SCUBE1: variants seen among roughly 807,000 people sequenced by gnomAD.
SCUBE1 encodes signal peptide, CUB domain and EGF like domain containing 1.
A neutral mutation model predicts 124.4 loss-of-function variants in SCUBE1; 59 were observed. The ratio of observed to expected loss-of-function variants is 0.47; its 90% CI spans 0.38 to 0.59. The LOEUF is 0.59. SCUBE1 is among the 20% of genes least tolerant of loss of function. The probability of loss-of-function intolerance (pLI) is 0.00; values close to 1 mark genes in which losing one functional copy is unlikely to be tolerated. For missense variants in SCUBE1, 1,150 were observed against 1,371.2 expected (o/e 0.84, Z 2.55); for synonymous variants, 545 against 550.9 (o/e 0.99, Z 0.15).
At position 43,227,480 on chromosome 22, in the gene SCUBE1, GCT is replaced by G. The variant is rs1485672984; in HGVS notation, c.1099_1100del (p.Ser367HisfsTer7). 6.2e-7 allele frequency: 1 copy of G among 1,612,528 alleles called. No homozygotes were observed. The highest frequency in any genetic ancestry group is 8.5e-7 in the Non-Finnish European group (1 of 1,179,848). ...TTHCGDVDEC[S>X]MSNGSCDQGC... is the part of the protein sequence containing the mutation. ...CCTGGTCACAGCTCCCGTTGCTCATGCTGCACTCGTCCACATCTGGAAGCACA... is the reference window on the plus strand; with the variant it reads ...CCTGGTCACAGCTCCCGTTGCTCATGGCACTCGTCCACATCTGGAAGCACA... On this transcript the variant is annotated frameshift_variant, in exon 10 of 22. Transcript: ENST00000360835. LOFTEE classifies it high-confidence loss of function.
chr22:43,290,969 T>G, intron 4 of SCUBE1, 77 bp downstream of exon 4: 138 of 1,434,688 alleles, frequency 9.6e-5, no homozygotes, highest in Non-Finnish European at 1.1e-4. Context: ...GCCCCAGAAT[T>G]GAGATGTGGA....
Position 43,198,602 on chromosome 22 carries a change from T to G in SCUBE1, c.*5395A>C, listed in dbSNP as rs771464816. ...TTACATCCTCTGCCCTTGGCCTGAA[T>G]GATGTCGGCTCGGCATGGACACCTT... is the stretch of plus-strand genomic sequence containing the variant. On this transcript the variant is annotated 3_prime_UTR_variant, in exon 22 of 22. Transcript: ENST00000360835. The G allele has an allele frequency of 2.2e-6, 1 of 456,772 alleles. No individual in the cohort carries two copies. The allele number at this position is 456,772 out of a possible 1,614,324, so 28.3% of individuals were successfully genotyped here. A position where few individuals can be genotyped will look rare whatever the true frequency, so the allele number is the denominator to read the frequency against.
chr22:43,339,597 CTACTCT>C (rs1927202304), intron 1 of SCUBE1, among the ~76,000 whole-genome samples: 3 of 149,546 alleles, frequency 2.0e-5, no homozygotes, highest in African/African-American at 7.6e-5. Context: ...CAGCCCTCCC[CTACTCT>C]CCTCACTCTA....
In SCUBE1 at chr22:43,229,101, T is replaced by G. The variant is rs746842053; in HGVS notation, c.1055A>C (p.Tyr352Ser). 6.2e-7 allele frequency: 1 copy of G among 1,613,674 alleles called. No homozygotes were observed. Among genetic ancestry groups the G allele is most frequent in the South Asian group, 1.1e-5 (1 of 91,054 alleles). ...GCAGTGGGTTGTCCCGTAGAGGATG[T>G]AGCCGCGGTGACACAGGCACTGGAA... ...GSFQCLCHRG[Y>S]ILYGTTHCGD... The change falls in exon 9 of 22, where the codon TAC becomes TCC. Residue 352 changes from tyrosine (Y) to serine (S), a missense_variant. Transcript: ENST00000360835.
chr22:43,239,409 G>A (rs909422927), intron 6 of SCUBE1, among the ~76,000 whole-genome samples: 1 of 152,266 alleles, frequency 6.6e-6, no homozygotes, highest in Non-Finnish European at 1.5e-5. Context: ...AGACTGGCTT[G>A]TGGCCCCGGC....
Position 43,208,156 on chromosome 22 carries a change from G to T in SCUBE1, c.2650C>A (p.Arg884Ser). The change falls in exon 20 of 22, where the codon CGC becomes AGC. Residue 884 changes from arginine (R) to serine (S), a missense_variant. This residue lies in a region of SCUBE1 where 757 missense variants were observed against 840.9 expected (regional missense o/e 0.90). Coordinates refer to ENST00000360835, the MANE Select transcript of SCUBE1 (RefSeq NM_173050.5). ...AACTGGATCCAGAGCTTGCGGGAGC[G>T]GGAGGTGAAGGCGATGGGCCTCTCG... ...TYERPIAFTSRSRKLWIQFKS... is the reference protein window; with the variant it reads ...TYERPIAFTSSSRKLWIQFKS... 6.2e-7 allele frequency: 1 copy of T among 1,614,102 alleles called. No homozygotes were observed. The highest frequency in any genetic ancestry group is 8.5e-7 in the Non-Finnish European group (1 of 1,180,002).
intron 2 of SCUBE1, among the ~76,000 whole-genome samples, chr22:43,336,751 G>T (rs1927094740): frequency 1.3e-5 from 2 of 152,224 alleles, no homozygotes; most frequent in South Asian, 2.1e-4. Flanking sequence ...GCATGCATGT[G>T]TGTGCACGTG....
chr22:43,290,398 A>C (rs1925313638), intron 4 of SCUBE1, among the ~76,000 whole-genome samples: 1 of 152,224 alleles, frequency 6.6e-6, no homozygotes. Flanking sequence ...CCTGAGCCGA[A>C]ACTCCAGGAT....
At chr22:43,338,229 G>A (rs116408612) in intron 2 of SCUBE1, among the ~76,000 whole-genome samples, 1,938 of 152,308 alleles carry the variant, frequency 0.013, 39 homozygotes, top group African/African-American at 0.045. Flanking sequence ...CACAGCCAGA[G>A]CTGCTCTTTT....
At chr22:43,254,968 G>A (rs1263358649) in intron 6 of SCUBE1, among the ~76,000 whole-genome samples, 1 of 152,192 alleles carries the variant, frequency 6.6e-6, no homozygotes, top group Non-Finnish European at 1.5e-5. Context: ...TTCCCTGAGA[G>A]GTCCTGGAGG....
chr22:43,302,072 C>T (rs536484913), intron 3 of SCUBE1, among the ~76,000 whole-genome samples: 28 of 152,338 alleles, frequency 1.8e-4, no homozygotes, highest in African/African-American at 6.7e-4. Flanking sequence ...GGGTCAGGGG[C>T]TGACATCAGG....
At chr22:43,306,599 C>T (rs1428122405) in intron 3 of SCUBE1, among the ~76,000 whole-genome samples, 2 of 152,118 alleles carry the variant, frequency 1.3e-5, no homozygotes, top group African/African-American at 4.8e-5. Context: ...CAATCCCTGA[C>T]CTGAATGTAC....
intron 7 of SCUBE1, chr22:43,233,461 A>G (rs1262966523): frequency 1.3e-5 from 2 of 152,276 alleles, no homozygotes; most frequent in African/African-American, 4.8e-5. Flanking sequence ...AGGCCCTTCC[A>G]AGGAGGACAA....
rs148984942 is a variant in SCUBE1, at chr22:43,227,410, C to T, written c.1171G>A (p.Gly391Arg). The change falls in exon 10 of 22, where the codon GGG (glycine) becomes AGG (arginine). Residue 391 changes from glycine to arginine, a missense_variant. Gly to Arg is a moderately radical substitution (Grantham distance 125). This residue lies in a region of SCUBE1 where 757 missense variants were observed against 840.9 expected (regional missense o/e 0.90). Transcript: ENST00000360835. ...KGSYECVCPP[G>R]RRLHWNGKDC... is the part of the protein sequence containing the mutation. ...TTCCCGTTCCAGTGGAGCCGCCTCC[C>T]CGGGGGACAGACGCACTCGTAGCTG... The T allele has an allele frequency of 1.9e-5, 30 of 1,612,540 alleles. No homozygotes were observed. The highest frequency in any genetic ancestry group is 2.4e-5 in the Non-Finnish European group (28 of 1,179,832).
chr22:43,235,664 A>C (rs973805421), intron 7 of SCUBE1, among the ~76,000 whole-genome samples: 1 of 152,062 alleles, frequency 6.6e-6, no homozygotes, highest in African/African-American at 2.4e-5. Flanking sequence ...GGGAAGATAC[A>C]CGTCTGCTTT....
chr22:43,242,689 C>T (rs1364647367), intron 6 of SCUBE1, among the ~76,000 whole-genome samples: 2 of 152,238 alleles, frequency 1.3e-5, no homozygotes, highest in African/African-American at 4.8e-5. Flanking sequence ...GGAGCTTTGT[C>T]CCGGGGAGCT....
Position 43,197,533 on chromosome 22 carries a change from G to C in SCUBE1, c.*6464C>G, listed in dbSNP as rs1012624500. 1 of 152,302 alleles carries C rather than the reference G, an allele frequency of 6.6e-6. No individual in the cohort carries two copies. Among genetic ancestry groups the C allele is most frequent in the African/African-American group, 2.4e-5 (1 of 41,464 alleles). 9.4% of individuals were successfully genotyped at this position (152,302 alleles called of 1,614,324 possible). ...CCTGGTGTCCTGTTCCCCGAGCAAT[G>C]TGGCCTGCGTCTGCTCGGCATGTTG... is the stretch of plus-strand genomic sequence containing the variant. On this transcript the variant is annotated 3_prime_UTR_variant, in exon 22 of 22. Transcript: ENST00000360835.
At chr22:43,294,213 G>A (rs1925475940) in intron 3 of SCUBE1, among the ~76,000 whole-genome samples, 2 of 152,242 alleles carry the variant, frequency 1.3e-5, no homozygotes, top group Admixed American at 1.3e-4. Context: ...CGGCCCCCGA[G>A]GAGGGGAGGA....
chr22:43,231,542 C>T (rs1426827632), intron 8 of SCUBE1, among the ~76,000 whole-genome samples: 5 of 152,168 alleles, frequency 3.3e-5, no homozygotes, highest in Non-Finnish European at 5.9e-5. Flanking sequence ...CCACCTGGGA[C>T]ATGTGCTGAA....
Sources: gnomAD v4.1 joint callset for allele counts (sites outside exome capture counted in the v4.1 genomes callset) on GRCh38, gnomAD v4.1.1 for gene constraint, gnomAD v4.1.1 regional missense constraint, MANE v1.5 for transcripts, NCBI Gene and HGNC (gene_info 2026-07-23, HGNC 2026-07-21) for gene names.